Variants in BICC1 observed in about 807,000 individuals in gnomAD.
BICC1 encodes the protein BicC family RNA binding protein 1.
A neutral mutation model predicts 111.0 loss-of-function variants in BICC1; 43 were observed. The ratio of observed to expected loss-of-function variants is 0.39; its 90% confidence interval spans 0.30 to 0.50. BICC1 has a LOEUF of 0.50. Among genes scored for constraint, BICC1 ranks in the 20% least tolerant of loss-of-function variants. BICC1 has a pLI of 0.88. For synonymous variants in BICC1, 467 were observed against 434.4 expected, an observed-to-expected ratio of 1.07 and a Z score of -0.93; for missense variants, 1,091 against 1,203.2, an observed-to-expected ratio of 0.91 and a Z score of 1.38.
At chr10:58,756,626 CT>C (rs66709538) in intron 3 of BICC1, among the ~76,000 whole-genome samples, 50 of 135,764 alleles carry the variant, frequency 3.7e-4, no homozygotes, top group African/African-American at 1.2e-3. Context: ...AACTACTAGC[CT>C]TTTTTTTTTT....
intron 3 of BICC1, among the ~76,000 whole-genome samples, chr10:58,774,362 G>A (rs1842695829): frequency 6.6e-6 from 1 of 152,120 alleles, no homozygotes; most frequent in African/African-American, 2.4e-5. Context: ...AATTTTTAAG[G>A]GAATTCTTGA....
At chr10:58,794,554 G>A (rs1451536762) in intron 9 of BICC1, among the ~76,000 whole-genome samples, 1 of 151,844 alleles carries the variant, frequency 6.6e-6, no homozygotes, top group Non-Finnish European at 1.5e-5. Context: ...GAGTAGCTGG[G>A]ACCACAGGCA....
At chr10:58,609,065 T>A (rs1845328055) in intron 1 of BICC1, among the ~76,000 whole-genome samples, 1 of 152,206 alleles carries the variant, frequency 6.6e-6, no homozygotes, top group South Asian at 2.1e-4. Flanking sequence ...CTTGCACCAT[T>A]GCCATGTTAT....
intron 2 of BICC1, among the ~76,000 whole-genome samples, chr10:58,668,778 T>C (rs1167028358): frequency 6.6e-6 from 1 of 152,038 alleles, no homozygotes; most frequent in Admixed American, 6.6e-5. Flanking sequence ...GTATTTTTCC[T>C]GATCAGATTA....
intron 2 of BICC1, among the ~76,000 whole-genome samples, chr10:58,662,321 A>G (rs1476225734): frequency 6.6e-6 from 1 of 152,254 alleles, no homozygotes; most frequent in East Asian, 1.9e-4. Flanking sequence ...AGGAATTGGA[A>G]GGATATTCCA....
At chr10:58,608,276 C>T (rs976315386) in intron 1 of BICC1, among the ~76,000 whole-genome samples, 9 of 152,150 alleles carry the variant, frequency 5.9e-5, no homozygotes, top group African/African-American at 1.9e-4. Flanking sequence ...GTGGGACCTC[C>T]CCTGGTGAAG....
At chr10:58,792,876 A>C (rs2132828077) in intron 8 of BICC1, among the ~76,000 whole-genome samples, 1 of 152,222 alleles carries the variant, frequency 6.6e-6, no homozygotes, top group South Asian at 2.1e-4. Flanking sequence ...CCATGAAAAA[A>C]TTGTCTTCTG....
chr10:58,602,392 A>T (rs77136737), intron 1 of BICC1, among the ~76,000 whole-genome samples: 2 of 152,300 alleles, frequency 1.3e-5, no homozygotes, highest in East Asian at 3.9e-4. Context: ...TAGGCCAAAG[A>T]CTATTACCTA....
At chr10:58,827,450 T>C (rs1010489615) in intron 20 of BICC1, among the ~76,000 whole-genome samples, 2 of 151,916 alleles carry the variant, frequency 1.3e-5, no homozygotes, top group African/African-American at 4.8e-5. Flanking sequence ...GCAAAAAAAA[T>C]AATAAATAAA....
In BICC1 at chr10:58,753,689, GAC is replaced by G. The variant is rs150164617; in HGVS notation, c.308-31296_308-31295del. Among the ~76,000 whole-genome samples, 1,074 of 150,080 alleles carry G rather than the reference GAC, an allele frequency of 7.2e-3. 35 individuals carry two copies. Among genetic ancestry groups the G allele is most frequent in the East Asian group, 0.053 (272 of 5,110 alleles). ...AGCTAAGTTGGAAAACACACACACA[GAC>G]ACACACACACACACAGTCTCTTTTC... On this transcript the variant is annotated intron_variant, in intron 3 of 20. Transcript: ENST00000373886.
intron 2 of BICC1, among the ~76,000 whole-genome samples, chr10:58,631,179 T>C (rs1369427595): frequency 2.0e-5 from 3 of 152,204 alleles, no homozygotes; most frequent in African/African-American, 7.2e-5. Context: ...TGTGGGAAGT[T>C]TGTAGACAGC....
intron 1 of BICC1, among the ~76,000 whole-genome samples, chr10:58,529,786 A>C (rs2131849646): frequency 6.6e-6 from 1 of 151,978 alleles, no homozygotes; most frequent in East Asian, 1.9e-4. Context: ...CGTACACAGA[A>C]AGATCACCTT....
chr10:58,518,556 T>A (rs951621514), intron 1 of BICC1, among the ~76,000 whole-genome samples: 25 of 138,788 alleles, frequency 1.8e-4, no homozygotes, highest in African/African-American at 6.5e-4. Flanking sequence ...TTTTTTCTTC[T>A]AATTGCATGT....
chr10:58,816,233 CCA>C (rs1440336418), intron 18 of BICC1, among the ~76,000 whole-genome samples: 4 of 152,290 alleles, frequency 2.6e-5, no homozygotes, highest in South Asian at 2.1e-4. Flanking sequence ...TTATCGCAGT[CCA>C]CTTTGTGGCT....
chr10:58,574,566 G>A (rs1380417095), intron 1 of BICC1, among the ~76,000 whole-genome samples: 2 of 151,902 alleles, frequency 1.3e-5, no homozygotes, highest in Non-Finnish European at 2.9e-5. Context: ...TCACCTTCAG[G>A]AACAGTTTTC....
chr10:58,726,151 T>C (rs923246217), intron 3 of BICC1, among the ~76,000 whole-genome samples: 4 of 152,328 alleles, frequency 2.6e-5, no homozygotes, highest in Admixed American at 1.3e-4. Context: ...TAAAATTGTT[T>C]GCAAGCTTGA....
intron 2 of BICC1, among the ~76,000 whole-genome samples, chr10:58,651,250 T>G (rs1487161483): frequency 6.6e-6 from 1 of 152,172 alleles, no homozygotes; most frequent in Non-Finnish European, 1.5e-5. Context: ...TTGGTTTTAT[T>G]TGGCATGAGG....
chr10:58,624,942 T>C (rs1004053284), intron 2 of BICC1, among the ~76,000 whole-genome samples: 1 of 152,238 alleles, frequency 6.6e-6, no homozygotes, highest in African/African-American at 2.4e-5. Context: ...TTGGTCTTTT[T>C]TCTGTGTATA....
At chr10:58,747,036 T>C (rs1589095940) in intron 3 of BICC1, among the ~76,000 whole-genome samples, 1 of 152,166 alleles carries the variant, frequency 6.6e-6, no homozygotes, top group South Asian at 2.1e-4. Flanking sequence ...TCATGGCTCA[T>C]GTCAGCTGCT....
Sources: allele counts gnomAD v4.1 joint callset (sites outside exome capture counted in the v4.1 genomes callset), GRCh38; gene constraint gnomAD v4.1.1; transcripts MANE v1.5; gene names NCBI Gene and HGNC (gene_info 2026-07-23, HGNC 2026-07-21).